The following CHD2 variants were observed in gnomAD, a reference collection of about 807,000 sequenced individuals.
CHD2 encodes the protein chromodomain helicase DNA binding protein 2, also known as ATP-dependent chromatin remodeler CHD2.
CHD2 carries 28 observed loss-of-function variants against 243.9 expected under a neutral mutation model. The ratio of observed to expected loss-of-function variants is 0.11; its 90% CI spans 0.09 to 0.16. CHD2 has a LOEUF of 0.16. Ranked by LOEUF, CHD2 falls within the 10% of genes least tolerant of loss-of-function variation. The pLI is 1.00. For missense variants in CHD2, 1,386 were observed against 2,209.8 expected (o/e 0.63, Z 7.47); for synonymous variants, 775 against 779.0 (o/e 0.99, Z 0.09).
Position 92,940,806 on chromosome 15 carries a change from AAT to A in CHD2, c.693-1012_693-1011del, listed in dbSNP as rs949842121. Among the ~76,000 whole-genome samples, 549 of 143,366 alleles carry A rather than the reference AAT, an allele frequency of 3.8e-3. 5 individuals are homozygous for A. Among genetic ancestry groups the A allele is most frequent in the Non-Finnish European group, 4.1e-3 (268 of 65,860 alleles). 94.1% of individuals were successfully genotyped at this position (143,366 alleles called of 152,430 possible). On this transcript the variant is annotated intron_variant, in intron 7 of 38. Coordinates refer to ENST00000394196, the MANE Select transcript of CHD2 (RefSeq NM_001271.4). ...TAAAAAATATATAAATATATAAATA[AAT>A]ATAAATATATATAAATATTATAAAT...
rs2054242633 is a variant in CHD2 at position 93,000,636 on chromosome 15, T to G, written c.4133T>G (p.Val1378Gly). ...GATAATCCATCAGAAGAGGGAGAAGTGAAAGTATGAAGTGGGGTTTCGGTT... is the reference window on the plus strand; with the variant it reads ...GATAATCCATCAGAAGAGGGAGAAGGGAAAGTATGAAGTGGGGTTTCGGTT... ...HSDNPSEEGE[V>G]KDDGLEKSPM... Residue 1378 changes from valine to glycine, a missense_variant, in exon 32 of 39, where the codon GTG becomes GGG. Physicochemically the swap from Val to Gly is moderately radical, Grantham distance 109. This residue lies in a region of CHD2 where 125 missense variants were observed against 128.9 expected (regional missense o/e 0.97). Coordinates refer to ENST00000394196, the MANE Select transcript of CHD2 (RefSeq NM_001271.4). 2 of 1,610,660 alleles carry G rather than the reference T, an allele frequency of 1.2e-6. No individual in the cohort carries two copies. The highest frequency in any genetic ancestry group is 1.7e-6 in the Non-Finnish European group (2 of 1,178,454).
chr15:92,924,252 AT>A (rs373817674), intron 2 of CHD2, 68 bp from the exon 3 acceptor site: 276 of 1,381,366 alleles, frequency 2.0e-4, no homozygotes, highest in Admixed American at 2.3e-4. Flanking sequence ...TACCATGAGA[AT>A]TTTTTTTTAA....
intron 3 of CHD2, among the ~76,000 whole-genome samples, chr15:92,925,644 C>T (rs947428519): frequency 2.6e-5 from 4 of 152,170 alleles, no homozygotes; most frequent in South Asian, 2.1e-4. Flanking sequence ...TAGAGTAAAG[C>T]GCACTTTCCC....
intron 17 of CHD2, among the ~76,000 whole-genome samples, chr15:92,971,038 G>A (rs1443888544): frequency 1.3e-5 from 2 of 152,044 alleles, no homozygotes; most frequent in Non-Finnish European, 2.9e-5. Context: ...TGTTAAAATG[G>A]GTATGTAGCC....
chr15:92,999,982 G>A (rs991144876), intron 31 of CHD2, among the ~76,000 whole-genome samples: 5 of 152,194 alleles, frequency 3.3e-5, no homozygotes, highest in African/African-American at 1.2e-4. Flanking sequence ...TATTTTGGCT[G>A]GCAAGGTGGC....
At chr15:92,908,003 ATT>A (rs71877681) in intron 2 of CHD2, among the ~76,000 whole-genome samples, 49 of 107,608 alleles carry the variant, frequency 4.6e-4, no homozygotes, top group African/African-American at 1.3e-3. Flanking sequence ...CTCTCTTAGA[ATT>A]TTTTTTTTTT....
chr15:92,905,216 G>T (rs2052598359), intron 2 of CHD2, among the ~76,000 whole-genome samples: 1 of 152,148 alleles, frequency 6.6e-6, no homozygotes, highest in African/African-American at 2.4e-5. Flanking sequence ...CTGATAGTGG[G>T]GTCACTTGGC....
chr15:92,994,845 A>C (rs749708600), intron 28 of CHD2, among the ~76,000 whole-genome samples: 2 of 152,122 alleles, frequency 1.3e-5, no homozygotes, highest in African/African-American at 2.4e-5. Context: ...GCATGTCCAC[A>C]TTCTGGATCT....
At chr15:92,999,812 A>G (rs74417155) in intron 31 of CHD2, among the ~76,000 whole-genome samples, 17,729 of 152,154 alleles carry the variant, frequency 0.12, 1,411 homozygotes, top group Non-Finnish European at 0.17. Flanking sequence ...TCCTTATTAT[A>G]TGTAACTTGC....
At chr15:93,003,960 C>T (rs1453909888) in intron 33 of CHD2, among the ~76,000 whole-genome samples, 2 of 151,868 alleles carry the variant, frequency 1.3e-5, no homozygotes, top group Non-Finnish European at 2.9e-5. Context: ...CCCGTCTGTA[C>T]TAAAAATACA....
At chr15:93,019,519 AT>A (rs2054505074) in intron 37 of CHD2, among the ~76,000 whole-genome samples, 1 of 152,238 alleles carries the variant, frequency 6.6e-6, no homozygotes, top group Non-Finnish European at 1.5e-5. Context: ...AAGAAATTTA[AT>A]GTCTGTTTGT....
At chr15:92,904,439 T>G (rs964987517) in intron 2 of CHD2, 29 of 988,098 alleles carry the variant, frequency 2.9e-5, no homozygotes, top group Non-Finnish European at 3.1e-5. Context: ...TCTGGCCGCG[T>G]GCGCATGTCG....
chr15:92,937,545 A>T lies in CHD2; in HGVS notation c.471A>T (p.Glu157Asp). 1.2e-6 allele frequency: 2 copies of T among 1,612,736 alleles called. No individual in the cohort carries two copies. The highest frequency in any genetic ancestry group is 1.3e-5 in the African/African-American group (1 of 75,004). ...KQEKWKQEPS[E>D]DEQEQGTSAE... Reference sequence around the variant, plus strand: ...AAAAATGGAAACAGGAACCCTCAGAAGATGAACAGGAACAAGGCACCAGTG... The same window carrying T: ...AAAAATGGAAACAGGAACCCTCAGATGATGAACAGGAACAAGGCACCAGTG... The change falls in exon 6 of 39, where the codon GAA (glutamate) becomes GAT (aspartate). Residue 157 changes from glutamate to aspartate, a missense_variant. Glu to Asp is a conservative substitution (Grantham distance 45). Around this residue, in one of 19 missense-constraint regions of CHD2, gnomAD observed 90 missense variants for 78.0 expected, o/e 1.15. Transcript: ENST00000394196.
chr15:92,986,248 T>G (rs967034164), intron 26 of CHD2, among the ~76,000 whole-genome samples: 4 of 152,274 alleles, frequency 2.6e-5, no homozygotes, highest in Admixed American at 1.3e-4. Flanking sequence ...GTCTCTATCC[T>G]CCATAAAAAA....
At chr15:93,002,844 A>G (rs972662965) in intron 33 of CHD2, among the ~76,000 whole-genome samples, 1 of 149,814 alleles carries the variant, frequency 6.7e-6, no homozygotes, top group Non-Finnish European at 1.5e-5. Context: ...TGAACACAGT[A>G]AAATCATTGC....
chr15:92,923,374 C>T (rs1384257420), intron 2 of CHD2, among the ~76,000 whole-genome samples: 1 of 151,890 alleles, frequency 6.6e-6, no homozygotes, highest in Admixed American at 6.6e-5. Flanking sequence ...GATCCTCCCA[C>T]CTGAGTTTCC....
chr15:92,906,174 A>G (rs550654159), intron 2 of CHD2, among the ~76,000 whole-genome samples: 46 of 152,078 alleles, frequency 3.0e-4, no homozygotes, highest in African/African-American at 1.1e-3. Flanking sequence ...ATGTTTGTTG[A>G]GCCTTCTACT....
rs1392800824 is a variant in CHD2, at chr15:92,991,534, A to G, written c.3455+17A>G. On this transcript the variant is annotated intron_variant, in intron 27 of 38. Coordinates refer to ENST00000394196, the MANE Select transcript of CHD2 (RefSeq NM_001271.4). ...TCTTGAACGGTAAGTTCAGTGTAAT[A>G]GTCCCTTATCTTCCTCTTTTTTGCT... 6.3e-7 allele frequency: 1 copy of G among 1,584,940 alleles called. No individual in the cohort carries two copies. The highest frequency in any genetic ancestry group is 1.8e-5 in the Admixed American group (1 of 55,784).
At chr15:92,949,136 T>A (rs1479770528) in intron 13 of CHD2, 60 bp downstream of exon 13, 2 of 1,580,230 alleles carry the variant, frequency 1.3e-6, no homozygotes, top group East Asian at 2.2e-5. Context: ...TATTGTTAGA[T>A]GTCAAGAATT....
Sources: gnomAD v4.1 joint callset for allele counts (sites outside exome capture counted in the v4.1 genomes callset) on GRCh38, gnomAD v4.1.1 for gene constraint, gnomAD v4.1.1 regional missense constraint, MANE v1.5 for transcripts, NCBI Gene and HGNC (gene_info 2026-07-23, HGNC 2026-07-21) for gene names.